The following SAV1 variants were observed in gnomAD, a reference collection of about 807,000 sequenced individuals.
SAV1 encodes protein salvador homolog 1.
A neutral mutation model predicts 47.3 loss-of-function variants in SAV1; 23 were observed. That is an observed-to-expected ratio of 0.49 (90% CI 0.35 to 0.69). SAV1 has a LOEUF of 0.69. SAV1 is among the 30% of genes least tolerant of loss of function. The pLI, the probability that SAV1 is intolerant of heterozygous loss-of-function variation, is 0.01. For synonymous variants in SAV1, 155 were observed against 159.2 expected, an observed-to-expected ratio of 0.97 and a Z score of 0.20; for missense variants, 448 against 457.4, an observed-to-expected ratio of 0.98 and a Z score of 0.19.
At chr14:50,655,494 C>T (rs1043436865) in intron 2 of SAV1, among the ~76,000 whole-genome samples, 3 of 150,776 alleles carry the variant, frequency 2.0e-5, no homozygotes, top group Admixed American at 6.6e-5. Context: ...GATGCAATCT[C>T]GGCTCACTGC....
intron 4 of SAV1, among the ~76,000 whole-genome samples, chr14:50,640,361 C>T (rs1414022121): frequency 6.6e-6 from 1 of 152,246 alleles, no homozygotes; most frequent in East Asian, 1.9e-4. Flanking sequence ...CTTAAGAGAT[C>T]CTCCTGCCTC....
intron 3 of SAV1, among the ~76,000 whole-genome samples, chr14:50,644,416 T>C (rs1244489087): frequency 2.0e-5 from 3 of 152,208 alleles, no homozygotes; most frequent in Non-Finnish European, 4.4e-5. Flanking sequence ...TTATTATTTG[T>C]AAAAATTTAA....
intron 2 of SAV1, among the ~76,000 whole-genome samples, chr14:50,652,918 C>T (rs1329206906): frequency 6.6e-6 from 1 of 152,074 alleles, no homozygotes; most frequent in African/African-American, 2.4e-5. Context: ...GTGATCCCAG[C>T]TATTCAGGAG....
intron 4 of SAV1, among the ~76,000 whole-genome samples, chr14:50,639,871 T>A (rs1013056173): frequency 6.6e-6 from 1 of 152,184 alleles, no homozygotes; most frequent in African/African-American, 2.4e-5. Flanking sequence ...AGATATTATG[T>A]ACTATTTAGA....
chr14:50,635,085 AGG>A lies in SAV1; in HGVS notation c.*96_*97del. The A allele has an allele frequency of 1.3e-6, 1 of 792,354 alleles. No individual in the cohort carries two copies. The highest frequency in any genetic ancestry group is 2.0e-6 in the Non-Finnish European group (1 of 493,550). The allele number at this position is 792,354 out of a possible 1,614,324, so 49.1% of individuals were successfully genotyped here. ...AGTTAGAATTTTATAATTTCCACAA[AGG>A]AAGCAGCATTTATTAACCAGAGTAC... On this transcript the variant is annotated 3_prime_UTR_variant, in exon 5 of 5. Transcript: ENST00000324679.
chr14:50,666,949 T>C (rs1378625836), intron 1 of SAV1, among the ~76,000 whole-genome samples: 4 of 152,174 alleles, frequency 2.6e-5, no homozygotes, highest in African/African-American at 7.2e-5. Flanking sequence ...GGGCAAATAC[T>C]AGAAACCTAA....
In SAV1 at chr14:50,661,287, G is replaced by A. The variant is rs181749217; in HGVS notation, c.535+3892C>T. 4.6e-5 allele frequency among the ~76,000 whole-genome samples: 7 copies of A among 152,246 alleles called. No homozygotes were observed. In the East Asian group the frequency reaches 1.4e-3, roughly 29 times the overall value. ...TGAGAAACGTCTATTCATGTCCTTT[G>A]CCCACTTTTTAATGGGGTTGTTTTT... On this transcript the variant is annotated intron_variant, in intron 2 of 4. Transcript: ENST00000324679.
chr14:50,666,310 A>G (rs2039901049), intron 1 of SAV1, among the ~76,000 whole-genome samples: 1 of 152,260 alleles, frequency 6.6e-6, no homozygotes, highest in Admixed American at 6.5e-5. Context: ...AATTCAAAAT[A>G]GTAGATAATA....
At chr14:50,648,683 C>A (rs1181570850) in intron 2 of SAV1, among the ~76,000 whole-genome samples, 1 of 151,902 alleles carries the variant, frequency 6.6e-6, no homozygotes, top group African/African-American at 2.4e-5. Context: ...GAGGCTGAGA[C>A]AGGAGAATGG....
intron 2 of SAV1, 62 bp from the exon 3 acceptor site, chr14:50,645,076 C>A: frequency 2.1e-6 from 3 of 1,447,684 alleles, no homozygotes; most frequent in Non-Finnish European, 2.8e-6. Flanking sequence ...AAAAAATGTG[C>A]CAGCTAGCAA....
At chr14:50,640,695 T>C in intron 4 of SAV1, 55 bp downstream of exon 4, 1 of 1,523,424 alleles carries the variant, frequency 6.6e-7, no homozygotes, top group Non-Finnish European at 8.9e-7. Flanking sequence ...GCCCAGAGAC[T>C]CCATTCAGCC....
Position 50,634,032 on chromosome 14 carries a change from G to C in SAV1, c.*1151C>G, listed in dbSNP as rs116061135. The C allele has an allele frequency of 6.9e-6, 2 of 289,958 alleles. No homozygotes were observed. Among genetic ancestry groups the C allele is most frequent in the South Asian group, 6.1e-5 (2 of 32,648 alleles). 18.0% of individuals were successfully genotyped at this position (289,958 alleles called of 1,614,324 possible). On this transcript the variant is annotated 3_prime_UTR_variant, in exon 5 of 5. Coordinates refer to ENST00000324679, the MANE Select transcript of SAV1 (RefSeq NM_021818.4). The stretch of plus-strand genomic sequence containing the variant: ...AATTAAAAAGTAATAATATACATTC[G>C]ATTTAATGACCAAAAATTTTTTTTG...
chr14:50,653,493 G>C lies in SAV1; in HGVS notation c.536-8479C>G, dbSNP rs572016179. 6.6e-5 allele frequency among the ~76,000 whole-genome samples: 10 copies of C among 152,286 alleles called. No homozygotes were observed. In the East Asian group the frequency reaches 1.9e-3, roughly 29 times the overall value. On this transcript the variant is annotated intron_variant, in intron 2 of 4. Coordinates refer to ENST00000324679, the MANE Select transcript of SAV1 (RefSeq NM_021818.4). ...TTAGACATACTTTGGAGATATTTCA[G>C]GTTTGGTTCCAGATTACTGCAATAA...
intron 2 of SAV1, among the ~76,000 whole-genome samples, chr14:50,650,574 C>T (rs779258716): frequency 2.1e-4 from 32 of 152,136 alleles, no homozygotes; most frequent in Admixed American, 1.2e-3. Flanking sequence ...TATAAAAGAC[C>T]GTGCAGCTTC....
At chr14:50,652,400 G>A (rs2039776737) in intron 2 of SAV1, among the ~76,000 whole-genome samples, 1 of 152,190 alleles carries the variant, frequency 6.6e-6, no homozygotes, top group African/African-American at 2.4e-5. Flanking sequence ...AAATAGCAAT[G>A]AGTACAAGAG....
chr14:50,664,750 T>C (rs1423823036), intron 2 of SAV1: 1 of 154,132 alleles, frequency 6.5e-6, no homozygotes, highest in Non-Finnish European at 1.4e-5. Flanking sequence ...AGGGTATCAC[T>C]GAGCATGCCC....
At chr14:50,648,792 T>C (rs1190313124) in intron 2 of SAV1, among the ~76,000 whole-genome samples, 1 of 151,674 alleles carries the variant, frequency 6.6e-6, no homozygotes, top group Non-Finnish European at 1.5e-5. Context: ...AAAAAAAGAA[T>C]ACTAATAGCA....
At chr14:50,644,106 T>A (rs2039701587) in intron 3 of SAV1, among the ~76,000 whole-genome samples, 2 of 152,202 alleles carry the variant, frequency 1.3e-5, no homozygotes, top group African/African-American at 4.8e-5. Context: ...TTACAGCACA[T>A]CTCAATTTAT....
chr14:50,658,419 C>G (rs547399253), intron 2 of SAV1, among the ~76,000 whole-genome samples: 1 of 152,150 alleles, frequency 6.6e-6, no homozygotes, highest in Non-Finnish European at 1.5e-5. Flanking sequence ...ACAGTAAGTG[C>G]GTGACTGGTA....
Sources: allele counts gnomAD v4.1 joint callset (sites outside exome capture counted in the v4.1 genomes callset), GRCh38; gene constraint gnomAD v4.1.1; transcripts MANE v1.5; gene names NCBI Gene and HGNC (gene_info 2026-07-23, HGNC 2026-07-21).